Variants in RALGAPA1 observed in about 807,000 individuals in gnomAD.
RALGAPA1 encodes the protein ral GTPase-activating protein subunit alpha-1.
A neutral mutation model predicts 269.6 loss-of-function variants in RALGAPA1; 52 were observed. The ratio of observed to expected loss-of-function variants is 0.19; its 90% confidence interval spans 0.15 to 0.24. The LOEUF (loss-of-function observed/expected upper bound fraction) is 0.24, where lower values mean the gene tolerates loss of function less well. Among genes scored for constraint, RALGAPA1 ranks in the 10% least tolerant of loss-of-function variants. The pLI, the probability that RALGAPA1 is intolerant of heterozygous loss-of-function variation, is 1.00. For synonymous variants in RALGAPA1, 817 were observed against 1,008.3 expected, an observed-to-expected ratio of 0.81 and a Z score of 3.60; for missense variants, 1,917 against 3,013.9, an observed-to-expected ratio of 0.64 and a Z score of 8.52.
chr14:35,732,767 CCTAAGAA>C (rs1271783525), intron 12 of RALGAPA1, among the ~76,000 whole-genome samples: 3 of 152,102 alleles, frequency 2.0e-5, no homozygotes, highest in Non-Finnish European at 2.9e-5. Flanking sequence ...TATTAATAGA[CCTAAGAA>C]ATGAGATAGA....
intron 16 of RALGAPA1, among the ~76,000 whole-genome samples, chr14:35,714,695 G>A (rs922012133): frequency 2.4e-4 from 37 of 151,982 alleles, no homozygotes; most frequent in Non-Finnish European, 7.4e-5. Flanking sequence ...ACACATTTAC[G>A]ACTTTCTTTG....
At chr14:35,671,634 A>C (rs899000882) in intron 25 of RALGAPA1, 117 bp from the exon 26 acceptor site, 13 of 494,972 alleles carry the variant, frequency 2.6e-5, no homozygotes, top group Non-Finnish European at 4.7e-5. Flanking sequence ...ATTACTGTAC[A>C]TTGGCTAACT....
intron 4 of RALGAPA1, among the ~76,000 whole-genome samples, chr14:35,765,040 G>T (rs1357430339): frequency 2.0e-5 from 3 of 152,102 alleles, no homozygotes; most frequent in Non-Finnish European, 4.4e-5. Context: ...AACAGAATTT[G>T]TTTTTTCACA....
chr14:35,622,160 T>C (rs935297009), intron 35 of RALGAPA1, among the ~76,000 whole-genome samples: 3 of 152,178 alleles, frequency 2.0e-5, no homozygotes, highest in African/African-American at 7.2e-5. Context: ...GTGGCACATA[T>C]ACACCACGGA....
At chr14:35,737,559 C>A (rs1325333021) in intron 12 of RALGAPA1, among the ~76,000 whole-genome samples, 1 of 150,428 alleles carries the variant, frequency 6.6e-6, no homozygotes, top group Non-Finnish European at 1.5e-5. Flanking sequence ...GAGTTTGAGA[C>A]CAGCTTGGCC....
chr14:35,668,357 C>T lies in RALGAPA1; in HGVS notation c.5202+3032G>A, dbSNP rs139571585. Among the ~76,000 whole-genome samples, 21 of 152,180 alleles carry T rather than the reference C, an allele frequency of 1.4e-4. No homozygotes were observed. In the East Asian group the frequency reaches 3.9e-3, roughly 28 times the overall value. On this transcript the variant is annotated intron_variant, in intron 26 of 41. Coordinates refer to ENST00000680220, the MANE Select transcript of RALGAPA1 (RefSeq NM_001346249.2). ...AATTAGCCTGGCATGATGGCGCGGG[C>T]CTGTAGCCCCAGCTATTCGGGAGGC... is the stretch of plus-strand genomic sequence containing the variant.
chr14:35,707,934 G>A (rs2067946894), intron 16 of RALGAPA1, among the ~76,000 whole-genome samples: 2 of 151,780 alleles, frequency 1.3e-5, no homozygotes, highest in Non-Finnish European at 2.9e-5. Context: ...CAATAGAACA[G>A]AACAGAGAAC....
chr14:35,693,536 G>A (rs990079256), intron 17 of RALGAPA1, among the ~76,000 whole-genome samples: 1 of 151,656 alleles, frequency 6.6e-6, no homozygotes, highest in African/African-American at 2.4e-5. Flanking sequence ...CTCTCCCAGA[G>A]GAAGAGAAGA....
At chr14:35,561,984 T>TG (rs1265567828) in intron 39 of RALGAPA1, among the ~76,000 whole-genome samples, 1 of 152,194 alleles carries the variant, frequency 6.6e-6, no homozygotes, top group African/African-American at 2.4e-5. Context: ...ATCACTTAGC[T>TG]GGTAAGACAT....
In RALGAPA1 at chr14:35,727,988, C is replaced by T. The variant is rs74393646; in HGVS notation, c.1736+374G>A. On this transcript the variant is annotated intron_variant, in intron 13 of 41. Coordinates refer to ENST00000680220, the MANE Select transcript of RALGAPA1 (RefSeq NM_001346249.2). ...GCCTGACGGTATACAGCTCTGAATG[C>T]CAGATTAAGGATTCAGGCATTCACA... 1.6e-3 allele frequency among the ~76,000 whole-genome samples: 239 copies of T among 152,262 alleles called. 2 individuals carry two copies. In the East Asian group the frequency reaches 0.027, roughly 17 times the overall value.
chr14:35,715,070 T>C (rs1479104945), intron 16 of RALGAPA1, among the ~76,000 whole-genome samples: 1 of 152,210 alleles, frequency 6.6e-6, no homozygotes, highest in Non-Finnish European at 1.5e-5. Flanking sequence ...TACGGGCTTC[T>C]ACTTACTCAT....
chr14:35,625,035 C>CA (rs1016207428), intron 35 of RALGAPA1, among the ~76,000 whole-genome samples: 92 of 147,462 alleles, frequency 6.2e-4, no homozygotes, highest in African/African-American at 2.2e-3. Flanking sequence ...CTAAAAAATA[C>CA]AAAAAAAAGT....
chr14:35,664,295 G>C (rs2063761548), intron 27 of RALGAPA1, among the ~76,000 whole-genome samples: 1 of 152,182 alleles, frequency 6.6e-6, no homozygotes, highest in African/African-American at 2.4e-5. Context: ...GAAGGAGAGA[G>C]TCTAATATGC....
intron 26 of RALGAPA1, among the ~76,000 whole-genome samples, chr14:35,670,435 T>C (rs976154145): frequency 3.3e-5 from 5 of 152,224 alleles, no homozygotes; most frequent in Non-Finnish European, 7.3e-5. Context: ...AATTTGATCA[T>C]GTCACTCCTT....
intron 35 of RALGAPA1, among the ~76,000 whole-genome samples, chr14:35,623,658 C>T (rs996952193): frequency 2.6e-5 from 4 of 152,036 alleles, no homozygotes; most frequent in African/African-American, 9.7e-5. Context: ...AGCAATTTCC[C>T]AATATACATG....
chr14:35,685,522 G>A (rs553312003), intron 19 of RALGAPA1, among the ~76,000 whole-genome samples: 1 of 152,200 alleles, frequency 6.6e-6, no homozygotes, highest in South Asian at 2.1e-4. Flanking sequence ...TCCACTCAAG[G>A]GAAAAAAGTA....
At chr14:35,664,505 G>C (rs2063778726) in intron 27 of RALGAPA1, 137 bp downstream of exon 27, 5 of 685,488 alleles carry the variant, frequency 7.3e-6, no homozygotes, top group Non-Finnish European at 1.2e-5. Flanking sequence ...TCAAGCCTTT[G>C]TGTCTGGAGG....
chr14:35,684,538 C>A (rs140828479), intron 20 of RALGAPA1, among the ~76,000 whole-genome samples: 125 of 152,278 alleles, frequency 8.2e-4, no homozygotes, highest in African/African-American at 2.9e-3. Flanking sequence ...TTAAAAATGT[C>A]ATTTCTTTTA....
chr14:35,766,289 C>A, intron 4 of RALGAPA1: 1 of 877,974 alleles, frequency 1.1e-6, no homozygotes, highest in Non-Finnish European at 1.9e-6. Context: ...CTGAACATGA[C>A]CCTACGGATT....
Sources: gnomAD v4.1 joint callset for allele counts (sites outside exome capture counted in the v4.1 genomes callset) on GRCh38, gnomAD v4.1.1 for gene constraint, MANE v1.5 for transcripts, NCBI Gene and HGNC (gene_info 2026-07-23, HGNC 2026-07-21) for gene names.